The following BCAS3 variants were observed in gnomAD, a reference collection of about 807,000 sequenced individuals.
BCAS3 encodes the protein BCAS4/BCAS3 fusion.
Under a neutral mutation model 116.1 loss-of-function variants are expected in BCAS3, and 53 were observed. The ratio of observed to expected loss-of-function variants is 0.46; its 90% CI spans 0.37 to 0.57. The LOEUF is 0.57. Among genes scored for constraint, BCAS3 ranks in the 20% least tolerant of loss-of-function variants. BCAS3 has a pLI of 0.00. For synonymous variants in BCAS3, 391 were observed against 408.2 expected, an observed-to-expected ratio of 0.96 and a Z score of 0.51; for missense variants, 917 against 1,165.4, an observed-to-expected ratio of 0.79 and a Z score of 3.10.
At chr17:60,889,034 A>G (rs550169448) in intron 9 of BCAS3, among the ~76,000 whole-genome samples, 104 of 152,334 alleles carry the variant, frequency 6.8e-4, no homozygotes, top group Middle Eastern at 3.4e-3. Flanking sequence ...CAATTTACAC[A>G]TCCCTGTAAT....
chr17:61,382,552 G>A (rs1202843682), intron 23 of BCAS3, among the ~76,000 whole-genome samples: 21 of 151,674 alleles, frequency 1.4e-4, no homozygotes, highest in Admixed American at 1.4e-3. Context: ...GTGAGCCACC[G>A]CGCCTGGCCA....
intron 23 of BCAS3, chr17:61,384,442 C>T (rs377323940): frequency 6.6e-6 from 1 of 152,390 alleles, no homozygotes; most frequent in East Asian, 1.9e-4. Context: ...AGCAGACCCT[C>T]CCCTCCTGTG....
At chr17:61,100,545 C>T (rs2074259939) in intron 22 of BCAS3, among the ~76,000 whole-genome samples, 1 of 152,132 alleles carries the variant, frequency 6.6e-6, no homozygotes, top group African/African-American at 2.4e-5. Context: ...GTTATGTGTA[C>T]CATCTGATAT....
Position 61,199,581 on chromosome 17 carries a change from G to A in BCAS3, c.2425+115017G>A, listed in dbSNP as rs1601864119. 6.6e-6 allele frequency among the ~76,000 whole-genome samples: 1 copy of A among 152,304 alleles called. No individual in the cohort carries two copies. Among genetic ancestry groups the A allele is most frequent in the South Asian group, 2.1e-4 (1 of 4,824 alleles). ...GCACCTTGTGAAAGGTTAGAACTGG[G>A]ATAATAACTGTGATGAACAAGTTAT... On this transcript the variant is annotated intron_variant, in intron 22 of 23. Coordinates refer to ENST00000407086, the MANE Select transcript of BCAS3 (RefSeq NM_017679.5). The surrounding 1 kb of genome is among the most constrained non-coding windows in gnomAD (Gnocchi z 4.6).
At chr17:61,015,319 C>G (rs565017238) in intron 15 of BCAS3, among the ~76,000 whole-genome samples, 20 of 152,324 alleles carry the variant, frequency 1.3e-4, no homozygotes, top group African/African-American at 4.8e-4. Context: ...GACAGGGTCT[C>G]TCTAATGCCA....
chr17:61,360,833 G>T (rs1402426879), intron 22 of BCAS3, among the ~76,000 whole-genome samples: 1 of 152,216 alleles, frequency 6.6e-6, no homozygotes, highest in Non-Finnish European at 1.5e-5. Flanking sequence ...AGTGGATAAG[G>T]AAAGCAAAGT....
At chr17:60,774,332 A>C (rs576689122) in intron 6 of BCAS3, among the ~76,000 whole-genome samples, 45 of 152,276 alleles carry the variant, frequency 3.0e-4, no homozygotes, top group African/African-American at 1.0e-3. Context: ...AGAGACAGAG[A>C]TCTTCCATGT....
intron 22 of BCAS3, among the ~76,000 whole-genome samples, chr17:61,093,218 T>TA (rs1568337290): frequency 6.6e-6 from 1 of 152,136 alleles, no homozygotes; most frequent in Non-Finnish European, 1.5e-5. Context: ...CCTCCAGTCT[T>TA]GAAGAGATAA....
chr17:60,973,175 C>G (rs2062072012), intron 14 of BCAS3, among the ~76,000 whole-genome samples: 1 of 152,054 alleles, frequency 6.6e-6, no homozygotes, highest in Non-Finnish European at 1.5e-5. Flanking sequence ...TGCTCTTTCC[C>G]TCATGATTCC....
rs999769678 is a variant in BCAS3, at chr17:61,213,449, T to G, written c.2425+128885T>G. On this transcript the variant is annotated intron_variant, in intron 22 of 23. Transcript: ENST00000407086. The surrounding 1 kb of genome is among the most constrained non-coding windows in gnomAD (Gnocchi z 5.4). ...TCCCAAAGTGCTGGGATTACAGGTG[T>G]GAGCCACCGCGCCTGGCCTATTCAT... Among the ~76,000 whole-genome samples the G allele has an allele frequency of 2.0e-5, 3 of 152,154 alleles. No individual in the cohort carries two copies. The highest frequency in any genetic ancestry group is 6.5e-5 in the Admixed American group (1 of 15,272).
intron 21 of BCAS3, among the ~76,000 whole-genome samples, chr17:61,080,715 G>A (rs934072087): frequency 6.6e-5 from 10 of 152,168 alleles, no homozygotes; most frequent in South Asian, 6.2e-4. Context: ...AGCCGAGATC[G>A]TGCCACTGCA....
chr17:61,079,608 T>G (rs553591652), intron 21 of BCAS3, among the ~76,000 whole-genome samples: 1 of 152,054 alleles, frequency 6.6e-6, no homozygotes, highest in Non-Finnish European at 1.5e-5. Context: ...TTTTATTTTA[T>G]TTTTTGAGAC....
intron 12 of BCAS3, among the ~76,000 whole-genome samples, chr17:60,921,612 C>CAAAAAAAAAAAAAAAA (rs755864096): frequency 3.0e-5 from 1 of 33,326 alleles, no homozygotes; most frequent in Admixed American, 2.7e-4. Context: ...GACTCCGTCT[C>CAAAAAAAAAAAAAAAA]AAAAAAAAAA....
At chr17:61,166,636 G>A (rs2078523270) in intron 22 of BCAS3, among the ~76,000 whole-genome samples, 1 of 151,990 alleles carries the variant, frequency 6.6e-6, no homozygotes, top group African/African-American at 2.4e-5. Flanking sequence ...GACCTCAAGT[G>A]ATCCGCCTGC....
chr17:60,709,492 C>A, intron 5 of BCAS3, 167 bp downstream of exon 5: 1 of 471,100 alleles, frequency 2.1e-6, no homozygotes, highest in South Asian at 2.1e-5. Context: ...CAGCTTCAAG[C>A]GATTCTCCTG....
At chr17:61,168,112 A>G (rs981971285) in intron 22 of BCAS3, among the ~76,000 whole-genome samples, 3 of 152,114 alleles carry the variant, frequency 2.0e-5, no homozygotes, top group African/African-American at 4.8e-5. Flanking sequence ...AAAATTAAGC[A>G]TTGGCTTATT....
chr17:61,075,952 T>A (rs1014596469), intron 20 of BCAS3, among the ~76,000 whole-genome samples: 1 of 151,884 alleles, frequency 6.6e-6, no homozygotes, highest in Admixed American at 6.6e-5. Context: ...AGAGACAGGA[T>A]CTCCCTATGT....
intron 9 of BCAS3, among the ~76,000 whole-genome samples, chr17:60,877,414 A>G (rs184760010): frequency 6.6e-6 from 1 of 152,280 alleles, no homozygotes; most frequent in Admixed American, 6.5e-5. Flanking sequence ...GCAGACTTTT[A>G]GTAAGCACAA....
In BCAS3 at chr17:60,955,386, A is replaced by ATTTTTTTTTTTTTTTTTTTTTTTTTT. The variant is rs1016334366; in HGVS notation, c.1221+8053_1221+8054insTTTTTTTTTTTTTTTTTTTTTTTTTT. On this transcript the variant is annotated intron_variant, in intron 14 of 23. Transcript: ENST00000407086. ...AAAGGATCTAGTTCAGGGAAACTGA[A>ATTTTTTTTTTTTTTTTTTTTTTTTTT]TTTTTTTTTTTTTTTTTTTGAGACA... 7.8e-5 allele frequency among the ~76,000 whole-genome samples: 10 copies of ATTTTTTTTTTTTTTTTTTTTTTTTTT among 128,086 alleles called. 2 individuals carry two copies. Among genetic ancestry groups the ATTTTTTTTTTTTTTTTTTTTTTTTTT allele is most frequent in the African/African-American group, 3.5e-4 (10 of 28,290 alleles). 84.0% of individuals were successfully genotyped at this position (128,086 alleles called of 152,430 possible).
Sources: gnomAD v4.1 joint callset for allele counts (sites outside exome capture counted in the v4.1 genomes callset) on GRCh38, gnomAD v4.1.1 for gene constraint, Gnocchi (gnomAD v3.1) non-coding constraint, MANE v1.5 for transcripts, NCBI Gene and HGNC (gene_info 2026-07-23, HGNC 2026-07-21) for gene names.